Variants in ADCY5 observed in about 807,000 individuals in gnomAD.
ADCY5 encodes the protein adenylate cyclase type 5.
In ADCY5, 30 loss-of-function variants were observed where a neutral mutation model predicts 119.7. The ratio of observed to expected loss-of-function variants is 0.25; its 90% CI spans 0.19 to 0.34. ADCY5 has a LOEUF of 0.34. Among genes scored for constraint, ADCY5 ranks in the 10% least tolerant of loss-of-function variants. The pLI, the probability that ADCY5 is intolerant of heterozygous loss-of-function variation, is 1.00. For synonymous variants in ADCY5, 753 were observed against 762.2 expected (o/e 0.99, Z 0.20); for missense variants, 1,324 against 1,775.2 (o/e 0.75, Z 4.57).
At chr3:123,414,371 G>C (rs1263145894) in intron 1 of ADCY5, among the ~76,000 whole-genome samples, 2 of 152,128 alleles carry the variant, frequency 1.3e-5, no homozygotes, top group Non-Finnish European at 2.9e-5. Context: ...GATGATAATA[G>C]TTTCCACTTC....
rs1277274558 is a variant in ADCY5, at chr3:123,447,501, C to T, written c.1045G>A (p.Ala349Thr). The T allele has an allele frequency of 1.2e-6, 2 of 1,611,682 alleles. No homozygotes were observed. Among genetic ancestry groups the T allele is most frequent in the Non-Finnish European group, 1.7e-6 (2 of 1,179,562 alleles). The change falls in exon 1 of 21, where the codon GCC becomes ACC. Residue 349 changes from alanine (A) to threonine (T), a missense_variant. Transcript: ENST00000462833. ...IYTLLPVRMR[A>T]AVLSGVLLSA... ...AGGAGCACCCCGCTGAGCACTGCGG[C>T]CCGCATGCGCACGGGCAGCAGCGTG... is the stretch of plus-strand genomic sequence containing the variant.
chr3:123,347,425 G>A (rs1942612689), intron 3 of ADCY5, among the ~76,000 whole-genome samples: 1 of 152,156 alleles, frequency 6.6e-6, no homozygotes, highest in African/African-American at 2.4e-5. Context: ...GTGAAGATGA[G>A]ATGATGGTGG....
Position 123,314,268 on chromosome 3 carries a change from C to T in ADCY5, c.2409G>A (p.Val803=). ...AGGAGTAGATCACAGACACAAACAC[C>T]ACCAAGGTCAGCAGCAGGGAACAGG... is the stretch of plus-strand genomic sequence containing the variant. The part of the protein sequence containing the change: ...YLTCSLLLTL[V]VFVSVIYSCV... The change falls in exon 12 of 21, where the codon GTG becomes GTA. Residue 803 remains valine, a synonymous_variant. Transcript: ENST00000462833. The T allele has an allele frequency of 6.2e-7, 1 of 1,613,864 alleles. No homozygotes were observed. Among genetic ancestry groups the T allele is most frequent in the South Asian group, 1.1e-5 (1 of 91,052 alleles).
intron 1 of ADCY5, among the ~76,000 whole-genome samples, chr3:123,435,869 A>G (rs1945602574): frequency 1.4e-5 from 2 of 143,300 alleles, no homozygotes; most frequent in South Asian, 4.5e-4. Flanking sequence ...TATTATTATT[A>G]TTATTATTAT....
At chr3:123,359,686 A>G (rs1421058668) in intron 1 of ADCY5, among the ~76,000 whole-genome samples, 4 of 152,184 alleles carry the variant, frequency 2.6e-5, no homozygotes, top group Non-Finnish European at 4.4e-5. Context: ...GGGGGCAGAG[A>G]ACCAGCTCCC....
rs186030571 is a variant in ADCY5, at chr3:123,308,194, C to A, written c.2443-4011G>T. 4.5e-4 allele frequency among the ~76,000 whole-genome samples: 68 copies of A among 151,778 alleles called. No individual in the cohort carries two copies. In the East Asian group the frequency reaches 0.012, roughly 27 times the overall value. On this transcript the variant is annotated intron_variant, in intron 12 of 20. Transcript: ENST00000462833. ...GACTACAGGCGCCCACCACCACGCC[C>A]GGCTAATTTTGTTTTTGTATTTTCA... is the stretch of plus-strand genomic sequence containing the variant.
At chr3:123,293,214 G>A (rs1939271021) in intron 17 of ADCY5, among the ~76,000 whole-genome samples, 1 of 152,228 alleles carries the variant, frequency 6.6e-6, no homozygotes, top group Non-Finnish European at 1.5e-5. Context: ...GTTAGGCTAG[G>A]AGGGGGCCAG....
intron 11 of ADCY5, among the ~76,000 whole-genome samples, chr3:123,315,090 G>C (rs1052451894): frequency 6.6e-6 from 1 of 152,200 alleles, no homozygotes; most frequent in Non-Finnish European, 1.5e-5. Flanking sequence ...GGCCCTCCTG[G>C]GGCAAGGGCT....
At chr3:123,400,672 C>T (rs1944723741) in intron 1 of ADCY5, among the ~76,000 whole-genome samples, 2 of 152,182 alleles carry the variant, frequency 1.3e-5, no homozygotes, top group Admixed American at 1.3e-4. Context: ...ATGGGCCAGG[C>T]ACGGTGGCTC....
chr3:123,439,213 G>A (rs866684510), intron 1 of ADCY5, among the ~76,000 whole-genome samples: 9 of 151,312 alleles, frequency 5.9e-5, no homozygotes, highest in Non-Finnish European at 1.3e-4. Context: ...GACTACAGGC[G>A]CCCGCCACCA....
chr3:123,304,560 A>G (rs893551180), intron 12 of ADCY5, among the ~76,000 whole-genome samples: 8 of 151,982 alleles, frequency 5.3e-5, no homozygotes, highest in Non-Finnish European at 1.2e-4. Flanking sequence ...TGGAGGGCTC[A>G]GAATGTTCCC....
Position 123,447,992 on chromosome 3 carries a change from CCGGA to C in ADCY5, c.550_553del (p.Ser184GlyfsTer53). On this transcript the variant is annotated frameshift_variant, in exon 1 of 21. Coordinates refer to ENST00000462833, the MANE Select transcript of ADCY5 (RefSeq NM_183357.3). LOFTEE classifies it high-confidence loss of function. ...CGAGTCCGCCGAGCTGCCGCCATCC[CCGGA>C]CCCCTCGCCGCCCTCGACGGCGCCG... The C allele has an allele frequency of 7.5e-7, 1 of 1,337,324 alleles. No homozygotes were observed. 82.8% of individuals were successfully genotyped at this position (1,337,324 alleles called of 1,614,324 possible).
intron 5 of ADCY5, 76 bp downstream of exon 5, chr3:123,330,813 G>GC: frequency 6.7e-7 from 1 of 1,488,046 alleles, no homozygotes; most frequent in Non-Finnish European, 9.0e-7. Context: ...CAACTAGGCA[G>GC]CCGGCAGGTC....
chr3:123,330,281 G>C (rs565945183), intron 5 of ADCY5, among the ~76,000 whole-genome samples: 1 of 152,302 alleles, frequency 6.6e-6, no homozygotes, highest in Admixed American at 6.5e-5. Flanking sequence ...CAAAGTCTCT[G>C]ACTTGCTCCC....
chr3:123,340,653 CT>C, intron 3 of ADCY5, among the ~76,000 whole-genome samples: 1 of 152,286 alleles, frequency 6.6e-6, no homozygotes, highest in African/African-American at 2.4e-5. Context: ...AAACTGAGGT[CT>C]TTTGTTGGAA....
At chr3:123,408,997 T>C (rs376040346) in intron 1 of ADCY5, among the ~76,000 whole-genome samples, 2 of 152,078 alleles carry the variant, frequency 1.3e-5, no homozygotes, top group African/African-American at 4.8e-5. Context: ...AAAATAAAAA[T>C]AGCTATAACA....
chr3:123,317,838 C>T (rs1358996155), intron 11 of ADCY5, among the ~76,000 whole-genome samples, 182 bp downstream of exon 11: 3 of 152,106 alleles, frequency 2.0e-5, no homozygotes, highest in Non-Finnish European at 4.4e-5. Flanking sequence ...ATCACCTTCC[C>T]GCCCAGAGAG....
intron 7 of ADCY5, among the ~76,000 whole-genome samples, chr3:123,326,687 A>G (rs1305092904): frequency 6.6e-6 from 1 of 152,096 alleles, no homozygotes; most frequent in Admixed American, 6.6e-5. Context: ...TGAATCCCCC[A>G]TCCCTCTTCC....
chr3:123,447,526 G>A lies in ADCY5; in HGVS notation c.1020C>T (p.Tyr340=), dbSNP rs753231851. 1.9e-6 allele frequency: 3 copies of A among 1,610,632 alleles called. No homozygotes were observed. The highest frequency in any genetic ancestry group is 2.5e-6 in the Non-Finnish European group (3 of 1,179,680). ...CCCGCATGCGCACGGGCAGCAGCGTGTAGATGGTGTAGATGAAGAACACGG... is the reference window on the plus strand; with the variant it reads ...CCCGCATGCGCACGGGCAGCAGCGTATAGATGGTGTAGATGAAGAACACGG... ...WWTVFFIYTI[Y]TLLPVRMRAA... The change falls in exon 1 of 21, where the codon TAC becomes TAT. Residue 340 remains tyrosine (Y), a synonymous_variant. Coordinates refer to ENST00000462833, the MANE Select transcript of ADCY5 (RefSeq NM_183357.3).
Sources: allele counts gnomAD v4.1 joint callset (sites outside exome capture counted in the v4.1 genomes callset), GRCh38; gene constraint gnomAD v4.1.1; transcripts MANE v1.5; gene names NCBI Gene and HGNC (gene_info 2026-07-23, HGNC 2026-07-21).